Variants in PROX1 observed in about 807,000 individuals in gnomAD.
PROX1 encodes the protein prospero homeobox protein 1.
A neutral mutation model predicts 58.8 loss-of-function variants in PROX1; 7 were observed. The ratio of observed to expected loss-of-function variants is 0.12; its 90% confidence interval spans 0.07 to 0.22. The LOEUF (loss-of-function observed/expected upper bound fraction) is 0.22, where lower values mean the gene tolerates loss of function less well. Ranked by LOEUF, PROX1 falls within the 10% of genes least tolerant of loss-of-function variation. The probability of loss-of-function intolerance (pLI) is 1.00; values close to 1 mark genes in which losing one functional copy is unlikely to be tolerated. For missense variants in PROX1, 675 were observed against 927.8 expected (o/e 0.73, Z 3.54); for synonymous variants, 350 against 358.3 (o/e 0.98, Z 0.26).
At position 213,996,316 on chromosome 1, in the gene PROX1, C is replaced by T. The variant is rs72753591; in HGVS notation, c.-67-153C>T. 4.9e-3 allele frequency among the ~76,000 whole-genome samples: 749 copies of T among 152,098 alleles called. 4 individuals are homozygous for T. Among genetic ancestry groups the T allele is most frequent in the Non-Finnish European group, 8.5e-3 (575 of 68,010 alleles). ...GGAGCAGAAATATTTAAAAATGTTT[C>T]ATTTCAAGCAGAGTGCATAATAAAT... is the stretch of plus-strand genomic sequence containing the variant. On this transcript the variant is annotated intron_variant, in intron 1 of 4. Transcript: ENST00000366958.
upstream of PROX1, chr1:213,985,734 A>G (rs1373684759): frequency 6.6e-6 from 1 of 152,256 alleles, no homozygotes; most frequent in Admixed American, 6.5e-5. Flanking sequence ...CGTGCATTCA[A>G]GCGCTATGTG....
At chr1:213,983,269 G>A (rs1333638571), upstream of PROX1, 2 of 152,396 alleles carry the variant, frequency 1.3e-5, no homozygotes, top group African/African-American at 4.8e-5. Flanking sequence ...GCGGTCCCGA[G>A]TCGCAGTCAG....
chr1:214,017,693 C>T (rs372898840), intron 4 of PROX1, among the ~76,000 whole-genome samples: 3 of 152,086 alleles, frequency 2.0e-5, no homozygotes, highest in African/African-American at 4.8e-5. Context: ...CGCACCCCCC[C>T]ACAAATGATC....
In PROX1 at chr1:214,005,025, A is replaced by G. The variant is rs1571814175; in HGVS notation, c.1726-140A>G. The G allele has an allele frequency of 1.4e-5, 8 of 570,598 alleles. No individual in the cohort carries two copies. In the East Asian group the frequency reaches 2.1e-4, roughly 15 times the overall value. 35.3% of individuals were successfully genotyped at this position (570,598 alleles called of 1,614,324 possible). On this transcript the variant is annotated intron_variant, in intron 2 of 4. Coordinates refer to ENST00000366958, the MANE Select transcript of PROX1 (RefSeq NM_001270616.2). The stretch of plus-strand genomic sequence containing the variant: ...TGGCAGCAAGTTAGCAATGGATGCC[A>G]TAGCCAGTGTCATATACCTTCCAGC...
chr1:214,018,789 C>T (rs1024291305), intron 4 of PROX1, among the ~76,000 whole-genome samples: 6 of 152,146 alleles, frequency 3.9e-5, no homozygotes, highest in Admixed American at 3.3e-4. Context: ...TGGCCAGAAT[C>T]AATTCTGCCC....
At chr1:214,011,820 C>A in intron 4 of PROX1, 105 bp downstream of exon 4, 1 of 931,396 alleles carries the variant, frequency 1.1e-6, no homozygotes, top group Non-Finnish European at 1.5e-6. Context: ...GTTTCGCATA[C>A]AAGCATCCCC....
intron 1 of PROX1, chr1:213,988,787 A>G (rs987084961): frequency 6.6e-6 from 1 of 150,778 alleles, no homozygotes; most frequent in Admixed American, 6.6e-5. Flanking sequence ...GGCGGTGGCG[A>G]TGGGGGGGAG....
Position 214,005,165 on chromosome 1 carries a change from A to G in PROX1, c.1726A>G (p.Met576Val). ...SEISPYSGSA[M>V]QEGLSPNHLK... ...TTTTCCTTAACCAATTGCATCCTAC[A>G]TGCAGGAAGGATTGTCACCCAATCA... The change falls in exon 3 of 5, where the codon ATG becomes GTG. Residue 576 changes from methionine to valine, a missense_variant and splice_region_variant. By Grantham distance (21) the Met-to-Val change is conservative. Around this residue, in one of 8 missense-constraint regions of PROX1, gnomAD observed 39 missense variants for 73.4 expected, o/e 0.53. Coordinates refer to ENST00000366958, the MANE Select transcript of PROX1 (RefSeq NM_001270616.2). 6.2e-7 allele frequency: 1 copy of G among 1,612,620 alleles called. No homozygotes were observed.
At chr1:213,989,775 A>T (rs781616597) in intron 1 of PROX1, 1 of 152,248 alleles carries the variant, frequency 6.6e-6, no homozygotes, top group Non-Finnish European at 1.5e-5. Context: ...GGGATGGTAA[A>T]GGAGGAGTAA....
intron 1 of PROX1, 49 bp from the exon 2 acceptor site, chr1:213,996,420 G>C (rs1663264350): frequency 7.8e-7 from 1 of 1,289,530 alleles, no homozygotes; most frequent in Non-Finnish European, 1.1e-6. Flanking sequence ...AGGAAATTTG[G>C]AGAAATTTAA....
At chr1:213,999,465 G>T (rs1663412032) in intron 2 of PROX1, among the ~76,000 whole-genome samples, 1 of 152,194 alleles carries the variant, frequency 6.6e-6, no homozygotes, top group African/African-American at 2.4e-5. Flanking sequence ...CCACGTAAGT[G>T]CAAAGTCCCA....
At chr1:214,020,143 G>A (rs1664232372) in intron 4 of PROX1, among the ~76,000 whole-genome samples, 1 of 152,098 alleles carries the variant, frequency 6.6e-6, no homozygotes, top group African/African-American at 2.4e-5. Context: ...TTTATGATGA[G>A]AGACAGGGTT....
At chr1:214,010,856 C>T (rs999193252) in intron 3 of PROX1, among the ~76,000 whole-genome samples, 15 of 152,164 alleles carry the variant, frequency 9.9e-5, no homozygotes, top group African/African-American at 3.6e-4. Flanking sequence ...GGACATGGGT[C>T]TTATCCAATG....
In PROX1 at chr1:214,039,689, T is replaced by G. The variant is rs1664945507; in HGVS notation, c.*3855T>G. ...AAAGTTAACAATCTCTTTTATCAGA[T>G]GTCAAGGGCAAGGGTAATGCAGTTT... On this transcript the variant is annotated 3_prime_UTR_variant, in exon 5 of 5. Transcript: ENST00000366958. 1 of 152,208 alleles carries G rather than the reference T, an allele frequency of 6.6e-6. No homozygotes were observed. Among genetic ancestry groups the G allele is most frequent in the African/African-American group, 2.4e-5 (1 of 41,464 alleles). 9.4% of individuals were successfully genotyped at this position (152,208 alleles called of 1,614,324 possible).
At chr1:214,002,188 T>G (rs114526150) in intron 2 of PROX1, among the ~76,000 whole-genome samples, 2,207 of 152,252 alleles carry the variant, frequency 0.014, 23 homozygotes, top group Non-Finnish European at 0.019. Context: ...CAGCTTATTA[T>G]TCTCCCATTT....
rs1571836660 is a variant in PROX1 at position 214,024,040 on chromosome 1, G to A, written c.2029-11609G>A. Among the ~76,000 whole-genome samples the A allele has an allele frequency of 2.6e-5, 4 of 152,156 alleles. No individual in the cohort carries two copies. The East Asian group carries it at 7.7e-4, about 29-fold the overall frequency. ...GACCTGAAGGCGTACAAGATAATCTGTGTAGATACCTGAAACTGCCTTTCA... is the reference window on the plus strand; with the variant it reads ...GACCTGAAGGCGTACAAGATAATCTATGTAGATACCTGAAACTGCCTTTCA... On this transcript the variant is annotated intron_variant, in intron 4 of 4. Coordinates refer to ENST00000366958, the MANE Select transcript of PROX1 (RefSeq NM_001270616.2).
At position 213,994,678 on chromosome 1, in the gene PROX1, C is replaced by T. The variant is rs368074684; in HGVS notation, c.-67-1791C>T. Among the ~76,000 whole-genome samples the T allele has an allele frequency of 3.9e-4, 58 of 148,100 alleles. 4 individuals are homozygous for T. Among genetic ancestry groups the T allele is most frequent in the East Asian group, 3.0e-3 (15 of 4,946 alleles). On this transcript the variant is annotated intron_variant, in intron 1 of 4. Coordinates refer to ENST00000366958, the MANE Select transcript of PROX1 (RefSeq NM_001270616.2). The stretch of plus-strand genomic sequence containing the variant: ...AACCCAATGTTGTAGTTCTTGAGAA[C>T]TCCATCTCCATTCTAAGTTCAGGAA...
intron 2 of PROX1, among the ~76,000 whole-genome samples, chr1:214,002,714 G>A (rs915989283): frequency 6.6e-6 from 1 of 152,122 alleles, no homozygotes; most frequent in Non-Finnish European, 1.5e-5. Flanking sequence ...GTCATTGTGC[G>A]TGTGTAAGTA....
rs1235186382 is a variant in PROX1, at chr1:214,037,904, A to T, written c.*2070A>T. On this transcript the variant is annotated 3_prime_UTR_variant, in exon 5 of 5. Coordinates refer to ENST00000366958, the MANE Select transcript of PROX1 (RefSeq NM_001270616.2). ...TGGCTTTGTTTTAAAAGAGGATGGCAGTCCTTGTTCGTGTCAGTGTGCCAC... is the reference window on the plus strand; with the variant it reads ...TGGCTTTGTTTTAAAAGAGGATGGCTGTCCTTGTTCGTGTCAGTGTGCCAC... 6.6e-6 allele frequency: 1 copy of T among 152,210 alleles called. No homozygotes were observed. The highest frequency in any genetic ancestry group is 1.5e-5 in the Non-Finnish European group (1 of 68,034). 9.4% of individuals were successfully genotyped at this position (152,210 alleles called of 1,614,324 possible).
Sources: allele counts gnomAD v4.1 joint callset (sites outside exome capture counted in the v4.1 genomes callset), GRCh38; gene constraint gnomAD v4.1.1; regional missense constraint gnomAD v4.1.1; transcripts MANE v1.5; gene names NCBI Gene and HGNC (gene_info 2026-07-23, HGNC 2026-07-21).